The following CNTN3 variants were observed in gnomAD, a reference collection of about 807,000 sequenced individuals.
CNTN3 encodes contactin 3, also known as contactin-3.
In CNTN3, 60 loss-of-function variants were observed where a neutral mutation model predicts 119.1. The ratio of observed to expected loss-of-function variants is 0.50; its 90% CI spans 0.41 to 0.62. CNTN3 has a LOEUF of 0.62. Among genes scored for constraint, CNTN3 ranks in the 20% least tolerant of loss-of-function variants. CNTN3 has a pLI of 0.00. For missense variants in CNTN3, 1,101 were observed against 1,242.4 expected (o/e 0.89, Z 1.71); for synonymous variants, 450 against 438.7 (o/e 1.03, Z -0.32).
chr3:74,295,179 T>G lies in CNTN3; in HGVS notation c.2459A>C (p.Glu820Ala). 1 of 1,613,558 alleles carries G rather than the reference T, an allele frequency of 6.2e-7. No homozygotes were observed. Among genetic ancestry groups the G allele is most frequent in the Non-Finnish European group, 8.5e-7 (1 of 1,179,550 alleles). Residue 820 changes from glutamate to alanine, a missense_variant, in exon 19 of 23, where the codon GAG becomes GCG. Transcript: ENST00000263665. ...SANSLSSSEI[E>A]VSWNTIPWKL... ...CCAAGGAATGGTGTTCCATGAAACC[T>G]CAATTTCTGAGGAAGATAGGCTATT...
chr3:74,439,812 T>C (rs1188654050), intron 4 of CNTN3, among the ~76,000 whole-genome samples: 7 of 152,188 alleles, frequency 4.6e-5, no homozygotes, highest in Non-Finnish European at 7.3e-5. Flanking sequence ...TTTAGGTATG[T>C]TCATTCTTTC....
intron 2 of CNTN3, among the ~76,000 whole-genome samples, chr3:74,517,347 C>T (rs1298040701): frequency 4.6e-5 from 7 of 151,886 alleles, no homozygotes; most frequent in Admixed American, 1.3e-4. Context: ...CCTTGCTTGG[C>T]TGCCTGCAAA....
intron 13 of CNTN3, among the ~76,000 whole-genome samples, chr3:74,317,813 G>A (rs966946776): frequency 3.9e-5 from 6 of 152,094 alleles, no homozygotes; most frequent in Admixed American, 1.3e-4. Context: ...ACAATTATGT[G>A]TCTTGGAGTT....
intron 4 of CNTN3, among the ~76,000 whole-genome samples, chr3:74,449,764 T>C (rs1469524835): frequency 6.6e-6 from 1 of 152,136 alleles, no homozygotes; most frequent in Non-Finnish European, 1.5e-5. Context: ...CATTAATTGG[T>C]TTTCTATCAA....
chr3:74,274,337 G>A (rs1334249538), intron 20 of CNTN3, among the ~76,000 whole-genome samples: 1 of 152,068 alleles, frequency 6.6e-6, no homozygotes, highest in Non-Finnish European at 1.5e-5. Context: ...CTCCCAGCAG[G>A]AGGCCAACCA....
At chr3:74,580,100 C>G (rs183337064) in intron 1 of CNTN3, among the ~76,000 whole-genome samples, 7 of 152,088 alleles carry the variant, frequency 4.6e-5, no homozygotes, top group African/African-American at 1.7e-4. Flanking sequence ...TAAGAGCAGA[C>G]AATAATTATA....
intron 5 of CNTN3, among the ~76,000 whole-genome samples, chr3:74,412,736 C>T (rs561031899): frequency 3.4e-4 from 52 of 152,284 alleles, no homozygotes; most frequent in African/African-American, 1.2e-3. Context: ...CAGTTTCTGG[C>T]TTTTCTTTAA....
At chr3:74,384,247 T>C (rs961700480) in intron 5 of CNTN3, among the ~76,000 whole-genome samples, 4 of 152,304 alleles carry the variant, frequency 2.6e-5, no homozygotes, top group South Asian at 2.1e-4. Flanking sequence ...AAACAAACAA[T>C]ACAAGGAAAT....
Position 74,299,926 on chromosome 3 carries a change from G to A in CNTN3, c.2108C>T (p.Pro703Leu). The change falls in exon 17 of 23, where the codon CCT becomes CTT. Residue 703 changes from proline (P) to leucine (L), a missense_variant. Coordinates refer to ENST00000263665, the MANE Select transcript of CNTN3 (RefSeq NM_020872.3). ...GCCTCCTCCATTGACTTCAGAAGGA[G>A]GCACTTCTGGAACTATACAGGTCAG... is the stretch of plus-strand genomic sequence containing the variant. ...VRTEEAVPEV[P>L]PSEVNGGGGS... is the part of the protein sequence containing the mutation. 1 of 1,604,546 alleles carries A rather than the reference G, an allele frequency of 6.2e-7. No homozygotes were observed. Among genetic ancestry groups the A allele is most frequent in the South Asian group, 1.1e-5 (1 of 88,612 alleles).
At chr3:74,443,556 T>C (rs904855290) in intron 4 of CNTN3, among the ~76,000 whole-genome samples, 3 of 152,156 alleles carry the variant, frequency 2.0e-5, no homozygotes, top group African/African-American at 7.2e-5. Flanking sequence ...GAGTCCCATC[T>C]TTCTCTCTGC....
intron 1 of CNTN3, among the ~76,000 whole-genome samples, chr3:74,587,001 T>C (rs1704604052): frequency 6.6e-6 from 1 of 152,080 alleles, no homozygotes; most frequent in Non-Finnish European, 1.5e-5. Context: ...ATAATTCAGG[T>C]GGGACTTGCC....
intron 6 of CNTN3, among the ~76,000 whole-genome samples, chr3:74,370,736 A>G (rs182800209): frequency 4.3e-4 from 66 of 152,214 alleles, no homozygotes; most frequent in African/African-American, 1.4e-3. Flanking sequence ...ACAGCCATCA[A>G]GGTGTTGATG....
chr3:74,517,078 G>A (rs1470571910), intron 2 of CNTN3, among the ~76,000 whole-genome samples: 1 of 151,844 alleles, frequency 6.6e-6, no homozygotes, highest in Non-Finnish European at 1.5e-5. Context: ...CTGACTCCAA[G>A]TTTTTAGACA....
intron 1 of CNTN3, among the ~76,000 whole-genome samples, chr3:74,605,657 G>C (rs1348378283): frequency 6.6e-6 from 1 of 152,070 alleles, no homozygotes; most frequent in Non-Finnish European, 1.5e-5. Flanking sequence ...TTGGCTACTT[G>C]CCAGCTATTG....
At chr3:74,440,454 C>T (rs1371519538) in intron 4 of CNTN3, among the ~76,000 whole-genome samples, 1 of 149,122 alleles carries the variant, frequency 6.7e-6, no homozygotes, top group Admixed American at 6.8e-5. Context: ...TCTCTTGAAT[C>T]GCCAACTTAA....
chr3:74,599,857 T>G (rs61412737), intron 1 of CNTN3, among the ~76,000 whole-genome samples: 2,494 of 152,076 alleles, frequency 0.016, 70 homozygotes, highest in African/African-American at 0.057. Context: ...AGGCAAACAT[T>G]TGGATAGATA....
At chr3:74,593,250 A>G (rs1704734863) in intron 1 of CNTN3, among the ~76,000 whole-genome samples, 1 of 151,952 alleles carries the variant, frequency 6.6e-6, no homozygotes, top group African/African-American at 2.4e-5. Flanking sequence ...TGACAGTTTC[A>G]TCTCAGAGCC....
intron 4 of CNTN3, among the ~76,000 whole-genome samples, chr3:74,453,552 T>C (rs186943929): frequency 0.012 from 1,768 of 152,110 alleles, 31 homozygotes; most frequent in African/African-American, 0.039. Flanking sequence ...TCTTGCCTTC[T>C]GCTAGCTTTT....
At chr3:74,384,235 G>A (rs902552604) in intron 5 of CNTN3, among the ~76,000 whole-genome samples, 12 of 152,096 alleles carry the variant, frequency 7.9e-5, no homozygotes, top group African/African-American at 1.9e-4. Context: ...TATATTTACC[G>A]GAAACAAACA....
Sources: allele counts gnomAD v4.1 joint callset (sites outside exome capture counted in the v4.1 genomes callset), GRCh38; gene constraint gnomAD v4.1.1; transcripts MANE v1.5; gene names NCBI Gene and HGNC (gene_info 2026-07-23, HGNC 2026-07-21).